ASPRV1: variants seen among roughly 807,000 people sequenced by gnomAD.
The protein encoded by ASPRV1 is retroviral-like aspartic protease 1.
ASPRV1 carries 7 observed loss-of-function variants against 11.0 expected under a neutral mutation model. That is an observed-to-expected ratio of 0.64 (90% CI 0.36 to 1.20). The LOEUF (loss-of-function observed/expected upper bound fraction) is 1.20, where lower values mean the gene tolerates loss of function less well. Ranked by LOEUF, ASPRV1 falls within the 50% of genes most tolerant of loss-of-function variation. The probability of loss-of-function intolerance (pLI) is 0.02; values close to 1 mark genes in which losing one functional copy is unlikely to be tolerated. For synonymous variants in ASPRV1, 136 were observed against 138.4 expected (o/e 0.98, Z 0.12); for missense variants, 299 against 320.0 (o/e 0.93, Z 0.50).
chr2:70,080,353 A>G, the ASPRV1 span, among the ~76,000 whole-genome samples: 1 of 152,038 alleles, frequency 6.6e-6, no homozygotes, highest in African/African-American at 2.4e-5. Context: ...CAGCCACCCA[A>G]GTAGCTGGGA....
the ASPRV1 span, among the ~76,000 whole-genome samples, chr2:70,051,817 A>T: frequency 2.6e-5 from 4 of 152,118 alleles, no homozygotes; most frequent in Non-Finnish European, 4.4e-5. Context: ...TTAGAAAAAA[A>T]TTTTAAAAAT....
chr2:69,938,244 T>C, the ASPRV1 span: 53 of 1,614,152 alleles, frequency 3.3e-5, no homozygotes, highest in Non-Finnish European at 4.2e-5. Flanking sequence ...ATCAAGAGAA[T>C]AAAGCTGCAG....
chr2:69,977,153 G>C, the ASPRV1 span, among the ~76,000 whole-genome samples: 1 of 151,644 alleles, frequency 6.6e-6, no homozygotes, highest in African/African-American at 2.4e-5. Context: ...TCCAGCCTGG[G>C]CTACAGAGTG....
At chr2:69,985,392 AC>A in the ASPRV1 span, among the ~76,000 whole-genome samples, 1 of 151,900 alleles carries the variant, frequency 6.6e-6, no homozygotes, top group African/African-American at 2.4e-5. Flanking sequence ...TTCCCATCTC[AC>A]TAAATCCCCT....
the ASPRV1 span, among the ~76,000 whole-genome samples, chr2:70,043,918 C>A: frequency 6.6e-6 from 1 of 152,254 alleles, no homozygotes; most frequent in East Asian, 1.9e-4. Context: ...GCCTCCATAA[C>A]CAGCACTGTC....
chr2:69,999,655 CAAAAAA>C, the ASPRV1 span, among the ~76,000 whole-genome samples: 1 of 54,016 alleles, frequency 1.9e-5, no homozygotes. Context: ...GACTCTGTCT[CAAAAAA>C]AAAAAAAAAA....
downstream of ASPRV1, among the ~76,000 whole-genome samples, chr2:69,956,512 GGGAGGA>G (rs1007276977): frequency 7.7e-6 from 1 of 130,340 alleles, no homozygotes; most frequent in African/African-American, 3.5e-5. Flanking sequence ...AGAGGAGGAG[GGGAGGA>G]GGAGGAGGAG....
At chr2:70,010,471 G>C in the ASPRV1 span, among the ~76,000 whole-genome samples, 1 of 152,156 alleles carries the variant, frequency 6.6e-6, no homozygotes, top group Admixed American at 6.5e-5. Flanking sequence ...AGCAAGCAGC[G>C]TTGGGGGGAA....
chr2:70,058,221 T>C, the ASPRV1 span, among the ~76,000 whole-genome samples: 1 of 152,230 alleles, frequency 6.6e-6, no homozygotes, highest in Non-Finnish European at 1.5e-5. Context: ...TCTTTATAAA[T>C]TTCTTGTCAA....
chr2:70,055,046 T>A, the ASPRV1 span, among the ~76,000 whole-genome samples: 9 of 152,336 alleles, frequency 5.9e-5, no homozygotes, highest in East Asian at 1.7e-3. Flanking sequence ...CTCACGCCTA[T>A]AATCCCAGCA....
chr2:70,065,071 G>A, the ASPRV1 span, among the ~76,000 whole-genome samples: 2 of 151,306 alleles, frequency 1.3e-5, no homozygotes, highest in African/African-American at 4.9e-5. Flanking sequence ...CTCCAGCCTG[G>A]GCAACAGAGC....
the ASPRV1 span, among the ~76,000 whole-genome samples, chr2:70,074,117 G>A: frequency 2.3e-5 from 2 of 87,478 alleles, no homozygotes; most frequent in Non-Finnish European, 3.9e-5. Flanking sequence ...CCGGGCGACA[G>A]AGCAAAACTT....
chr2:69,936,378 C>T, the ASPRV1 span, among the ~76,000 whole-genome samples: 2 of 152,094 alleles, frequency 1.3e-5, no homozygotes, highest in East Asian at 1.9e-4. Flanking sequence ...AGCCCCAGCA[C>T]CTCCTAGGGT....
the ASPRV1 span, among the ~76,000 whole-genome samples, chr2:70,039,891 T>C: frequency 2.0e-5 from 3 of 152,070 alleles, no homozygotes; most frequent in Admixed American, 6.5e-5. Context: ...AGTGGGGGAA[T>C]AGAAAACAGT....
chr2:69,997,478 C>T, the ASPRV1 span, among the ~76,000 whole-genome samples: 15 of 152,202 alleles, frequency 9.9e-5, no homozygotes, highest in African/African-American at 3.1e-4. Context: ...TTGTCCAAGT[C>T]AGCACCTGTG....
At chr2:69,991,793 A>T in the ASPRV1 span, among the ~76,000 whole-genome samples, 2 of 152,000 alleles carry the variant, frequency 1.3e-5, no homozygotes, top group Non-Finnish European at 1.5e-5. Flanking sequence ...CAATCCGCCC[A>T]CCTCGGCCTC....
chr2:70,049,716 G>C, the ASPRV1 span: 33 of 152,336 alleles, frequency 2.2e-4, no homozygotes, highest in Admixed American at 2.2e-3. Flanking sequence ...AGCTGTAGCA[G>C]AGAGACAGCA....
At chr2:69,933,220 AAAAAC>A in the ASPRV1 span, among the ~76,000 whole-genome samples, 625 of 147,196 alleles carry the variant, frequency 4.2e-3, 3 homozygotes, top group African/African-American at 0.016. Flanking sequence ...AAAAAAAAAA[AAAAAC>A]AAAAAAAGAA....
chr2:70,046,029 C>G, the ASPRV1 span: 3 of 152,360 alleles, frequency 2.0e-5, no homozygotes, highest in Admixed American at 6.5e-5. Context: ...CTTTCACTCT[C>G]TCTGCAGAAG....
Sources: allele counts gnomAD v4.1 joint callset (sites outside exome capture counted in the v4.1 genomes callset), GRCh38; gene constraint gnomAD v4.1.1; transcripts MANE v1.5; gene names NCBI Gene and HGNC (gene_info 2026-07-23, HGNC 2026-07-21).